The following HSP90AA1 variants were observed in gnomAD, a reference collection of about 807,000 sequenced individuals.
The protein encoded by HSP90AA1 is heat shock protein HSP 90-alpha.
In HSP90AA1, 18 loss-of-function variants were observed where a neutral mutation model predicts 73.3. The observed-to-expected ratio is 0.25, with a 90% CI of 0.17 to 0.36. The LOEUF is 0.36. HSP90AA1 is among the 10% of genes least tolerant of loss of function. The pLI is 1.00. For synonymous variants in HSP90AA1, 477 were observed against 296.9 expected, an observed-to-expected ratio of 1.61 and a Z score of -6.24; for missense variants, 704 against 874.2, an observed-to-expected ratio of 0.81 and a Z score of 2.45.
chr14:102,120,371 G>A lies in HSP90AA1; in HGVS notation c.156-18286C>T, dbSNP rs180738774. ...GAGACCCTGTCCCACCCTCCCCCAC[G>A]AAAAGAATACAGATGATTATGGGAG... On this transcript the variant is annotated intron_variant, in intron 1 of 11. Transcript: ENST00000334701. Among the ~76,000 whole-genome samples, 514 of 151,862 alleles carry A rather than the reference G, an allele frequency of 3.4e-3. 2 individuals are homozygous for A. Among genetic ancestry groups the A allele is most frequent in the Non-Finnish European group, 5.4e-3 (364 of 67,932 alleles).
At chr14:102,116,434 C>T (rs1595675157) in intron 1 of HSP90AA1, among the ~76,000 whole-genome samples, 1 of 152,220 alleles carries the variant, frequency 6.6e-6, no homozygotes, top group Non-Finnish European at 1.5e-5. Flanking sequence ...GCACCAGCCA[C>T]AGCGGGGAGG....
chr14:102,113,704 TTTTA>T (rs553266634), intron 1 of HSP90AA1, among the ~76,000 whole-genome samples: 178 of 151,898 alleles, frequency 1.2e-3, no homozygotes, highest in South Asian at 4.8e-3. Context: ...ATTTTTTTAT[TTTTA>T]TTTATTTATT....
At chr14:102,105,223 AAAAAAAC>A (rs2049550611) in intron 1 of HSP90AA1, among the ~76,000 whole-genome samples, 3 of 149,324 alleles carry the variant, frequency 2.0e-5, no homozygotes, top group Non-Finnish European at 3.0e-5. Flanking sequence ...AAAAAACAAA[AAAAAAAC>A]CAAACTTCAT....
intron 1 of HSP90AA1, among the ~76,000 whole-genome samples, chr14:102,112,972 T>C (rs1436814350): frequency 6.6e-6 from 1 of 152,182 alleles, no homozygotes; most frequent in Non-Finnish European, 1.5e-5. Flanking sequence ...TACAGCCTGT[T>C]TTCTTCAATA....
Position 102,087,013 on chromosome 14 carries a change from C to A in HSP90AA1, c.-28G>T, listed in dbSNP as rs17554423. The stretch of plus-strand genomic sequence containing the variant: ...TGGCTAAGTGACCGCACAGGACCAA[C>A]GGCACAGCCACACCGGGACGCTGAA... On this transcript the variant is annotated 5_prime_UTR_variant, in exon 1 of 11. Transcript: ENST00000216281. 4.1e-6 allele frequency: 4 copies of A among 985,322 alleles called. No homozygotes were observed. Among genetic ancestry groups the A allele is most frequent in the African/African-American group, 1.7e-5 (1 of 57,194 alleles). The allele number at this position is 985,322 out of a possible 1,614,324, so 61.0% of individuals were successfully genotyped here.
At chr14:102,136,902 A>G (rs1039747572) in intron 1 of HSP90AA1, among the ~76,000 whole-genome samples, 10 of 134,792 alleles carry the variant, frequency 7.4e-5, no homozygotes, top group Non-Finnish European at 1.6e-4. Context: ...AAAAAAAAGG[A>G]AACAAAAAAA....
In HSP90AA1 at chr14:102,081,798, C is replaced by A; in HGVS notation, c.2113G>T (p.Ala705Ser). Residue 705 changes from alanine to serine, a missense_variant, in exon 11 of 11, where the codon GCT becomes TCT. Physicochemically the swap from Ala to Ser is moderately conservative, Grantham distance 99. Transcript: ENST00000216281. ...GTTACAGCAGCACTGGTATCATCAG[C>A]AGTAGGGTCATCTTCATCAATACCT... ...GLGIDEDDPT[A>S]DDTSAAVTEE... 3.8e-6 allele frequency: 6 copies of A among 1,558,810 alleles called. No homozygotes were observed. Among genetic ancestry groups the A allele is most frequent in the Non-Finnish European group, 5.3e-6 (6 of 1,129,642 alleles).
chr14:102,093,064 T>A (rs2049379058), intron 2 of HSP90AA1, among the ~76,000 whole-genome samples: 2 of 151,996 alleles, frequency 1.3e-5, no homozygotes, highest in Admixed American at 1.3e-4. Context: ...TTTTAAATAA[T>A]CAATGTTTAG....
intron 1 of HSP90AA1, among the ~76,000 whole-genome samples, chr14:102,103,221 AT>A (rs1244776166): frequency 0.013 from 1,328 of 100,972 alleles, 16 homozygotes; most frequent in African/African-American, 0.037. Context: ...GTGGGAGTTG[AT>A]TTTTTTTTTT....
intron 1 of HSP90AA1, among the ~76,000 whole-genome samples, chr14:102,105,030 C>T (rs2049545563): frequency 7.3e-6 from 1 of 136,490 alleles, no homozygotes; most frequent in African/African-American, 2.8e-5. Context: ...AACCTCATCT[C>T]TACTAAAAAA....
At position 102,094,642 on chromosome 14, in the gene HSP90AA1, GA is replaced by G. The variant is rs147619445; in HGVS notation, c.366+7232del. Among the ~76,000 whole-genome samples, 937 of 152,314 alleles carry G rather than the reference GA, an allele frequency of 6.2e-3. 10 individuals carry two copies. The highest frequency in any genetic ancestry group is 0.022 in the African/African-American group (895 of 41,560). On this transcript the variant is annotated intron_variant, in intron 2 of 11. Transcript: ENST00000334701. ...TAGCCAGGGAACAGTGAGAAGGCAAGAATTAAAAAGAAAATGGAGGCTGGAA... is the reference window on the plus strand; with the variant it reads ...TAGCCAGGGAACAGTGAGAAGGCAAGATTAAAAAGAAAATGGAGGCTGGAA...
At chr14:102,100,507 C>T (rs1024989581) in intron 2 of HSP90AA1, among the ~76,000 whole-genome samples, 1 of 151,476 alleles carries the variant, frequency 6.6e-6, no homozygotes, top group African/African-American at 2.4e-5. Flanking sequence ...CTCCCCACAA[C>T]CTCCGCCTCC....
At chr14:102,116,421 A>G (rs560699458) in intron 1 of HSP90AA1, among the ~76,000 whole-genome samples, 1 of 152,312 alleles carries the variant, frequency 6.6e-6, no homozygotes, top group East Asian at 1.9e-4. Flanking sequence ...GGCAGTGGCC[A>G]CTGCACCAGC....
intron 1 of HSP90AA1, among the ~76,000 whole-genome samples, chr14:102,123,000 G>A (rs896613285): frequency 1.3e-5 from 2 of 152,130 alleles, no homozygotes; most frequent in Non-Finnish European, 1.5e-5. Context: ...ATTCTTAAAT[G>A]CTTATTCCAA....
At chr14:102,083,338 C>T (rs1390377459) in intron 8 of HSP90AA1, 36 bp from the exon 9 acceptor site, 3 of 1,610,122 alleles carry the variant, frequency 1.9e-6, no homozygotes, top group East Asian at 2.2e-5. Context: ...GACCTTTTAA[C>T]AGTTAAGAAT....
intron 1 of HSP90AA1, among the ~76,000 whole-genome samples, chr14:102,132,001 C>T (rs2049912250): frequency 6.6e-6 from 1 of 152,184 alleles, no homozygotes; most frequent in African/African-American, 2.4e-5. Flanking sequence ...CTTCGTGAGG[C>T]TAAGGCAGGA....
chr14:102,085,503 T>C (rs1486852244), intron 3 of HSP90AA1, 72 bp from the exon 4 acceptor site: 10 of 1,426,828 alleles, frequency 7.0e-6, no homozygotes, highest in East Asian at 2.3e-5. Flanking sequence ...AACACCCTTA[T>C]AACGTGTCTA....
At chr14:102,138,106 G>A (rs911870587) in intron 1 of HSP90AA1, among the ~76,000 whole-genome samples, 14 of 152,062 alleles carry the variant, frequency 9.2e-5, no homozygotes, top group Admixed American at 4.6e-4. Flanking sequence ...TTTATATAGG[G>A]TAAAATCTTG....
In HSP90AA1 at chr14:102,086,389, A is replaced by T; in HGVS notation, c.1-11T>A. The T allele has an allele frequency of 3.1e-6, 5 of 1,614,172 alleles. No homozygotes were observed. Among genetic ancestry groups the T allele is most frequent in the Non-Finnish European group, 4.2e-6 (5 of 1,180,022 alleles). ...GGTTTCCTCAGGCATCTGGAACGAC[A>T]CCGCGCCGGTTTAAAACCTTGCAGG... On this transcript the variant is annotated splice_polypyrimidine_tract_variant and intron_variant, in intron 1 of 10. Transcript: ENST00000216281.
Sources: gnomAD v4.1 joint callset for allele counts (sites outside exome capture counted in the v4.1 genomes callset) on GRCh38, gnomAD v4.1.1 for gene constraint, MANE v1.5 for transcripts, NCBI Gene and HGNC (gene_info 2026-07-23, HGNC 2026-07-21) for gene names.